TIE1: variants seen among roughly 807,000 people sequenced by gnomAD.
TIE1 encodes the protein tyrosine-protein kinase receptor Tie-1.
TIE1 carries 89 observed loss-of-function variants against 130.5 expected under a neutral mutation model. The ratio of observed to expected loss-of-function variants is 0.68; its 90% CI spans 0.57 to 0.81. TIE1 has a LOEUF of 0.81. Ranked by LOEUF, TIE1 falls within the 40% of genes least tolerant of loss-of-function variation. The probability of loss-of-function intolerance (pLI) is 0.00; values close to 1 mark genes in which losing one functional copy is unlikely to be tolerated. For synonymous variants in TIE1, 568 were observed against 629.4 expected (o/e 0.90, Z 1.46); for missense variants, 1,392 against 1,559.8 (o/e 0.89, Z 1.81).
At position 43,313,089 on chromosome 1, in the gene TIE1, T is replaced by G. The variant is rs533319694; in HGVS notation, c.1928-46T>G. 1 of 1,560,424 alleles carries G rather than the reference T, an allele frequency of 6.4e-7. No homozygotes were observed. Among genetic ancestry groups the G allele is most frequent in the Non-Finnish European group, 8.7e-7 (1 of 1,153,096 alleles). ...AGATGTGTCCAGCCCCACAGCTACA[T>G]AGCCCGGTCCTATCTGAGCCTTGCC... is the stretch of plus-strand genomic sequence containing the variant. On this transcript the variant is annotated intron_variant, in intron 12 of 22. Transcript: ENST00000372476. This position sits in a 1 kb window ranked among gnomAD's most constrained non-coding sequence, Gnocchi z 6.2.
At position 43,313,449 on chromosome 1, in the gene TIE1, C is replaced by T. The variant is rs755889637; in HGVS notation, c.2218+24C>T. On this transcript the variant is annotated intron_variant, in intron 13 of 22. Coordinates refer to ENST00000372476, the MANE Select transcript of TIE1 (RefSeq NM_005424.5). The surrounding 1 kb of genome is among the most constrained non-coding windows in gnomAD (Gnocchi z 6.2). ...CGGTGAGAGGGCAGGGCCCACAGGA[C>T]CCCCCGGGCTCTGAGCGGGGAGAGC... is the stretch of plus-strand genomic sequence containing the variant. 6.8e-6 allele frequency: 11 copies of T among 1,611,356 alleles called. No individual in the cohort carries two copies. The highest frequency in any genetic ancestry group is 8.5e-6 in the Non-Finnish European group (10 of 1,178,536).
Position 43,319,842 on chromosome 1 carries a change from C to G in TIE1, c.3107+313C>G, listed in dbSNP as rs1158349960. The G allele has an allele frequency of 2.6e-6, 1 of 385,954 alleles. No individual in the cohort carries two copies. The highest frequency in any genetic ancestry group is 5.5e-5 in the East Asian group (1 of 18,030). The allele number at this position is 385,954 out of a possible 1,614,324, so 23.9% of individuals were successfully genotyped here. Reference sequence around the variant, plus strand: ...CTTCCTGAGGTAGATGGAGAGGCCACTCAGGAATTGCTCTCATCTTCCTCC... The same window carrying G: ...CTTCCTGAGGTAGATGGAGAGGCCAGTCAGGAATTGCTCTCATCTTCCTCC... On this transcript the variant is annotated intron_variant, in intron 19 of 22. Coordinates refer to ENST00000372476, the MANE Select transcript of TIE1 (RefSeq NM_005424.5). The surrounding 1 kb of genome is among the most constrained non-coding windows in gnomAD (Gnocchi z 4.7).
chr1:43,312,934 AAGG>A lies in TIE1; in HGVS notation c.1928-198_1928-196del, dbSNP rs1212783905. 6.6e-6 allele frequency among the ~76,000 whole-genome samples: 1 copy of A among 151,954 alleles called. No homozygotes were observed. Among genetic ancestry groups the A allele is most frequent in the Non-Finnish European group, 1.5e-5 (1 of 67,966 alleles). ...AGAGGACTTGGGATACAAGAAGTACAAGGAGAAGCAGAAGCTTGAGGGTGAAAG... is the reference window on the plus strand; with the variant it reads ...AGAGGACTTGGGATACAAGAAGTACAAGAAGCAGAAGCTTGAGGGTGAAAG... On this transcript the variant is annotated intron_variant, in intron 12 of 22. Transcript: ENST00000372476. The surrounding 1 kb of genome is among the most constrained non-coding windows in gnomAD (Gnocchi z 5.6).
chr1:43,307,402 G>A lies in TIE1; in HGVS notation c.773-30G>A. 1 of 1,613,460 alleles carries A rather than the reference G, an allele frequency of 6.2e-7. No individual in the cohort carries two copies. On this transcript the variant is annotated intron_variant, in intron 5 of 22. Transcript: ENST00000372476. This position sits in a 1 kb window ranked among gnomAD's most constrained non-coding sequence, Gnocchi z 5.4. Reference sequence around the variant, plus strand: ...GTCCTGGGCCCAGGGGCCCACAGAGGCCCATACACCCCACACACTCTCTTT... The same window carrying A: ...GTCCTGGGCCCAGGGGCCCACAGAGACCCATACACCCCACACACTCTCTTT...
rs748673207 is a variant in TIE1 at position 43,312,345 on chromosome 1, A to G, written c.1671A>G (p.Glu557=). The G allele has an allele frequency of 5.1e-6, 8 of 1,566,784 alleles. No homozygotes were observed. In the South Asian group the frequency reaches 8.5e-5, roughly 17 times the overall value. Residue 557 remains glutamate, a synonymous_variant, in exon 12 of 23, where the codon GAA becomes GAG. Transcript: ENST00000372476. The surrounding 1 kb of genome is among the most constrained non-coding windows in gnomAD (Gnocchi z 5.6). ...LQPWLEGWHV[E]GTDRLRVSWS... Reference sequence around the variant, plus strand: ...CGTGGTTGGAGGGCTGGCATGTGGAAGGCACTGACCGGCTGCGAGTGAGCT... The same window carrying G: ...CGTGGTTGGAGGGCTGGCATGTGGAGGGCACTGACCGGCTGCGAGTGAGCT...
Position 43,313,990 on chromosome 1 carries a change from T to C in TIE1, c.2409+22T>C. The C allele has an allele frequency of 6.2e-7, 1 of 1,613,684 alleles. No homozygotes were observed. The highest frequency in any genetic ancestry group is 1.1e-5 in the South Asian group (1 of 91,062). ...CTCGGTCAGTGACCCGCCCCGCCCC[T>C]GGGTGCATGCTTGCAGCCCGTGTTT... is the stretch of plus-strand genomic sequence containing the variant. On this transcript the variant is annotated intron_variant, in intron 14 of 22. Coordinates refer to ENST00000372476, the MANE Select transcript of TIE1 (RefSeq NM_005424.5). This position sits in a 1 kb window ranked among gnomAD's most constrained non-coding sequence, Gnocchi z 6.2.
rs540162952 is a variant in TIE1, at chr1:43,312,096, G to T, written c.1595G>T (p.Trp532Leu). 1 of 1,586,996 alleles carries T rather than the reference G, an allele frequency of 6.3e-7. No homozygotes were observed. The highest frequency in any genetic ancestry group is 8.6e-7 in the Non-Finnish European group (1 of 1,165,214). ...CCAGGGGAAGGAGGAGAGGGGGCCT[G>T]GGGGCCTCCCACCCTCATGACCACA... ...SRPGEGGEGA[W>L]GPPTLMTTDC... The change falls in exon 11 of 23, where the codon TGG becomes TTG. Residue 532 changes from tryptophan (W) to leucine (L), a missense_variant. Around this residue, in one of 6 missense-constraint regions of TIE1, gnomAD observed 551 missense variants for 565.5 expected, o/e 0.97. Transcript: ENST00000372476. This position sits in a 1 kb window ranked among gnomAD's most constrained non-coding sequence, Gnocchi z 5.6.
chr1:43,305,148 T>C lies in TIE1; in HGVS notation c.356T>C (p.Val119Ala). ...GCGCGGCGCACGCGCGTCATCTACG[T>C]GCACAACAGCCCTGGAGGTGAGTTA... is the stretch of plus-strand genomic sequence containing the variant. ...AGARRTRVIY[V>A]HNSPGAHLLP... Residue 119 changes from valine (V) to alanine (A), a missense_variant, in exon 2 of 23, where the codon GTG (valine) becomes GCG (alanine). Transcript: ENST00000372476. 1 of 1,613,966 alleles carries C rather than the reference T, an allele frequency of 6.2e-7. No homozygotes were observed. Among genetic ancestry groups the C allele is most frequent in the East Asian group, 2.2e-5 (1 of 44,862 alleles).
At position 43,321,665 on chromosome 1, in the gene TIE1, C is replaced by G; in HGVS notation, c.3295C>G (p.Pro1099Ala). ...CWRDRPYERP[P>A]FAQIALQLGR... The stretch of plus-strand genomic sequence containing the variant: ...GCGGGACCGTCCCTATGAGCGACCC[C>G]CCTTTGCCCAGATTGCGCTACAGCT... The change falls in exon 22 of 23, where the codon CCC becomes GCC. Residue 1099 changes from proline to alanine, a missense_variant. Coordinates refer to ENST00000372476, the MANE Select transcript of TIE1 (RefSeq NM_005424.5). 1 of 1,553,778 alleles carries G rather than the reference C, an allele frequency of 6.4e-7. No homozygotes were observed. Among genetic ancestry groups the G allele is most frequent in the Admixed American group, 2.0e-5 (1 of 51,176 alleles).
intron 2 of TIE1, 26 bp from the exon 3 acceptor site, chr1:43,305,207 C>G: frequency 6.2e-7 from 1 of 1,613,802 alleles, no homozygotes; most frequent in Non-Finnish European, 8.5e-7. Context: ...GAAAACCAGG[C>G]CGCTGACCCA....
intron 7 of TIE1, among the ~76,000 whole-genome samples, chr1:43,308,652 C>T (rs543155213): frequency 1.6e-4 from 25 of 152,170 alleles, no homozygotes; most frequent in Middle Eastern, 3.4e-3. Context: ...AGCTGCTGGC[C>T]GGGGAGCGGG....
rs1646870889 is a variant in TIE1, at chr1:43,317,542, T to C, written c.2621-22T>C. 6.2e-7 allele frequency: 1 copy of C among 1,610,872 alleles called. No homozygotes were observed. The highest frequency in any genetic ancestry group is 8.5e-7 in the Non-Finnish European group (1 of 1,177,878). On this transcript the variant is annotated intron_variant, in intron 15 of 22. Coordinates refer to ENST00000372476, the MANE Select transcript of TIE1 (RefSeq NM_005424.5). This position sits in a 1 kb window ranked among gnomAD's most constrained non-coding sequence, Gnocchi z 5.1. ...TTCTCCAGAGTTATTTCTGGCAAAA[T>C]AATATTGGATTCTTTACACAGAGTA...
Position 43,312,546 on chromosome 1 carries a change from C to T in TIE1, c.1872C>T (p.His624=), listed in dbSNP as rs750840334. Residue 624 remains histidine, a synonymous_variant, in exon 12 of 23, where the codon CAC becomes CAT. Coordinates refer to ENST00000372476, the MANE Select transcript of TIE1 (RefSeq NM_005424.5). The surrounding 1 kb of genome is among the most constrained non-coding windows in gnomAD (Gnocchi z 5.6). ...THYQLDVQLY[H]CTLLGPASPP... ...ACCAGCTGGATGTGCAGCTCTACCACTGCACCCTCCTGGGCCCGGCCTCGC... is the reference window on the plus strand; with the variant it reads ...ACCAGCTGGATGTGCAGCTCTACCATTGCACCCTCCTGGGCCCGGCCTCGC... 1 of 1,613,448 alleles carries T rather than the reference C, an allele frequency of 6.2e-7. No individual in the cohort carries two copies. The highest frequency in any genetic ancestry group is 1.1e-5 in the South Asian group (1 of 91,054).
At position 43,304,888 on chromosome 1, in the gene TIE1, G is replaced by A; in HGVS notation, c.96G>A (p.Arg32=). Residue 32 remains arginine (R), a synonymous_variant, in exon 2 of 23, where the codon CGG becomes CGA. Coordinates refer to ENST00000372476, the MANE Select transcript of TIE1 (RefSeq NM_005424.5). ...AVDLTLLANL[R]LTDPQRFFLT... is the part of the protein sequence containing the mutation. Reference sequence around the variant, plus strand: ...ACCTGACGCTGCTGGCCAACCTGCGGCTCACGGACCCCCAGCGCTTCTTCC... The same window carrying A: ...ACCTGACGCTGCTGGCCAACCTGCGACTCACGGACCCCCAGCGCTTCTTCC... The A allele has an allele frequency of 1.4e-6, 2 of 1,426,566 alleles. No individual in the cohort carries two copies. Among genetic ancestry groups the A allele is most frequent in the Non-Finnish European group, 1.8e-6 (2 of 1,096,034 alleles). 88.4% of individuals were successfully genotyped at this position (1,426,566 alleles called of 1,614,324 possible).
At chr1:43,308,064 C>T in intron 7 of TIE1, 140 bp downstream of exon 7, 1 of 1,305,974 alleles carries the variant, frequency 7.7e-7, no homozygotes, top group South Asian at 1.5e-5. Context: ...GTCTGATGGA[C>T]AGGGAGCTCT....
In TIE1 at chr1:43,313,705, G is replaced by C; in HGVS notation, c.2219-73G>C. 6.8e-7 allele frequency: 1 copy of C among 1,475,646 alleles called. No individual in the cohort carries two copies. Among genetic ancestry groups the C allele is most frequent in the Non-Finnish European group, 9.1e-7 (1 of 1,095,604 alleles). The allele number at this position is 1,475,646 out of a possible 1,614,324, so 91.4% of individuals were successfully genotyped here. ...ACTGGGATCTTTCACCTCTCCCTCT[G>C]TGTAACCCCATGGTGGCCTCTGGGT... On this transcript the variant is annotated intron_variant, in intron 13 of 22. Transcript: ENST00000372476. The surrounding 1 kb of genome is among the most constrained non-coding windows in gnomAD (Gnocchi z 6.2).
chr1:43,314,900 A>G (rs1440830641), intron 14 of TIE1, among the ~76,000 whole-genome samples: 1 of 152,196 alleles, frequency 6.6e-6, no homozygotes. Context: ...GGAAGGAGGC[A>G]TATTCTGTGG....
chr1:43,314,292 T>G, intron 14 of TIE1: 1 of 1,015,826 alleles, frequency 9.8e-7, no homozygotes, highest in Non-Finnish European at 1.3e-6. Flanking sequence ...TCTCCCCTCT[T>G]TTATTTCTCC....
At position 43,319,642 on chromosome 1, in the gene TIE1, G is replaced by A; in HGVS notation, c.3107+113G>A. ...TGGTCTAAGGCATGACCTGGGCTGT[G>A]TTCCAGGTGTGACACAGGTGTGTCT... On this transcript the variant is annotated intron_variant, in intron 19 of 22. Transcript: ENST00000372476. The surrounding 1 kb of genome is among the most constrained non-coding windows in gnomAD (Gnocchi z 4.7). 5 of 1,104,918 alleles carry A rather than the reference G, an allele frequency of 4.5e-6. 1 individual carries two copies. In the South Asian group the frequency reaches 6.5e-5, roughly 14 times the overall value. The allele number at this position is 1,104,918 out of a possible 1,614,324, so 68.4% of individuals were successfully genotyped here. A position where few individuals can be genotyped will look rare whatever the true frequency, so the allele number is the denominator to read the frequency against.
Sources: gnomAD v4.1 joint callset for allele counts (sites outside exome capture counted in the v4.1 genomes callset) on GRCh38, gnomAD v4.1.1 for gene constraint, gnomAD v4.1.1 regional missense constraint, Gnocchi (gnomAD v3.1) non-coding constraint, MANE v1.5 for transcripts, NCBI Gene and HGNC (gene_info 2026-07-23, HGNC 2026-07-21) for gene names.